The following CX3CR1 variants were observed in gnomAD, a reference collection of about 807,000 sequenced individuals.
The protein encoded by CX3CR1 is CX3C chemokine receptor 1.
For synonymous variants in CX3CR1, 168 were observed against 178.5 expected, an observed-to-expected ratio of 0.94 and a Z score of 0.47; for missense variants, 363 against 432.4, an observed-to-expected ratio of 0.84 and a Z score of 1.42.
chr3:39,275,007 G>A (rs565944541), intron 1 of CX3CR1, among the ~76,000 whole-genome samples: 60 of 151,902 alleles, frequency 3.9e-4, no homozygotes, highest in African/African-American at 1.3e-3. Flanking sequence ...GATTACAGGC[G>A]CCCACCACCA....
upstream of CX3CR1, chr3:39,286,541 C>G (rs1415530760): frequency 6.6e-6 from 1 of 150,590 alleles, no homozygotes; most frequent in African/African-American, 2.4e-5. Context: ...GTCCCAGCTA[C>G]TCGGGAGGCT....
chr3:39,268,120 C>T (rs769749911), intron 1 of CX3CR1, among the ~76,000 whole-genome samples: 12 of 152,216 alleles, frequency 7.9e-5, no homozygotes, highest in Non-Finnish European at 1.5e-4. Context: ...AAGATGAGGG[C>T]CCACCCAGCC....
chr3:39,273,211 G>A (rs927329006), intron 1 of CX3CR1, among the ~76,000 whole-genome samples: 11 of 152,242 alleles, frequency 7.2e-5, no homozygotes, highest in South Asian at 2.1e-4. Context: ...CTCTGAATTC[G>A]TTGGGGTTCT....
chr3:39,280,002 T>C lies in CX3CR1; in HGVS notation c.-58A>G, dbSNP rs1443549660. The C allele has an allele frequency of 1.6e-5, 16 of 985,572 alleles. No individual in the cohort carries two copies. The highest frequency in any genetic ancestry group is 1.7e-5 in the Non-Finnish European group (14 of 830,006). The allele number at this position is 985,572 out of a possible 1,614,324, so 61.1% of individuals were successfully genotyped here. ...CTCTGGATCTGCCAGTCAGCCACCC[T>C]GTCCTGCTCAGACTTTACCAGAGAC... On this transcript the variant is annotated 5_prime_UTR_variant, in exon 1 of 2. Transcript: ENST00000399220.
Position 39,279,959 on chromosome 3 carries a change from G to A in CX3CR1, c.-15C>T, listed in dbSNP as rs936657410. On this transcript the variant is annotated 5_prime_UTR_variant, in exon 1 of 2. It adds an upstream start codon to the 5' untranslated region. Transcript: ENST00000399220. ...AACTAGTCCTGTGCACCTACCTGGC[G>A]TGGACTGCCAAGGGAACCTCTGGAT... is the stretch of plus-strand genomic sequence containing the variant. The A allele has an allele frequency of 1.1e-5, 11 of 985,396 alleles. No individual in the cohort carries two copies. Among genetic ancestry groups the A allele is most frequent in the Non-Finnish European group, 1.3e-5 (11 of 829,896 alleles). 61.0% of individuals were successfully genotyped at this position (985,396 alleles called of 1,614,324 possible). A position where few individuals can be genotyped will look rare whatever the true frequency, so the allele number is the denominator to read the frequency against.
the CX3CR1 span, among the ~76,000 whole-genome samples, chr3:39,290,106 G>A: frequency 1.3e-5 from 2 of 152,150 alleles, no homozygotes; most frequent in Non-Finnish European, 2.9e-5. Context: ...AGCTTACTGC[G>A]GCAAGGGAAG....
At chr3:39,280,867 G>A (rs533458868), upstream of CX3CR1, among the ~76,000 whole-genome samples, 2 of 152,172 alleles carry the variant, frequency 1.3e-5, no homozygotes, top group African/African-American at 4.8e-5. Flanking sequence ...ATCACCTTCC[G>A]ATCACTTCAT....
In CX3CR1 at chr3:39,264,990, G is replaced by T. The variant is rs147817479; in HGVS notation, c.*452C>A. 2 of 154,424 alleles carry T rather than the reference G, an allele frequency of 1.3e-5. No individual in the cohort carries two copies. Among genetic ancestry groups the T allele is most frequent in the Admixed American group, 1.3e-4 (2 of 15,498 alleles). The allele number at this position is 154,424 out of a possible 1,614,324, so 9.6% of individuals were successfully genotyped here. ...GAAACATGGGTGTCAGTCCCTCTCTGGTGATAAAGCTGTGTCATGTAAAGT... is the reference window on the plus strand; with the variant it reads ...GAAACATGGGTGTCAGTCCCTCTCTTGTGATAAAGCTGTGTCATGTAAAGT... On this transcript the variant is annotated 3_prime_UTR_variant, in exon 2 of 2. Transcript: ENST00000399220.
In CX3CR1 at chr3:39,265,578, C is replaced by A; in HGVS notation, c.932G>T (p.Cys311Phe). Residue 311 changes from cysteine to phenylalanine, a missense_variant, in exon 2 of 2, where the codon TGC (cysteine) becomes TTC (phenylalanine). By Grantham distance (205) the Cys-to-Phe change is radical. Transcript: ENST00000399220. ...RRYLYHLYGK[C>F]LAVLCGRSVH... The stretch of plus-strand genomic sequence containing the variant: ...TGAGCGCCCACACAGGACAGCCAGG[C>A]ATTTCCCATACAGGTGGTAAAGGTA... 6.2e-7 allele frequency: 1 copy of A among 1,614,226 alleles called. No homozygotes were observed. The highest frequency in any genetic ancestry group is 8.5e-7 in the Non-Finnish European group (1 of 1,180,048).
rs80346905 is a variant in CX3CR1, at chr3:39,268,259, G to A, written c.-9-1741C>T. ...AGGCTGTGATGAGTTCTCAACCCCA[G>A]GGAACGTGTATGCTTTCTCTGCTTC... is the stretch of plus-strand genomic sequence containing the variant. On this transcript the variant is annotated intron_variant, in intron 1 of 1. Transcript: ENST00000399220. Among the ~76,000 whole-genome samples, 655 of 152,310 alleles carry A rather than the reference G, an allele frequency of 4.3e-3. 2 individuals are homozygous for A. The highest frequency in any genetic ancestry group is 0.015 in the African/African-American group (614 of 41,554).
At chr3:39,283,550 C>A (rs930984733), upstream of CX3CR1, among the ~76,000 whole-genome samples, 2 of 151,386 alleles carry the variant, frequency 1.3e-5, no homozygotes, top group Non-Finnish European at 1.5e-5. Context: ...GGGAGGCCAA[C>A]GTGGGTGGAT....
At chr3:39,281,357 C>T, upstream of CX3CR1, 2 of 819,056 alleles carry the variant, frequency 2.4e-6, no homozygotes, top group Non-Finnish European at 3.3e-6. Context: ...CTGGGGTCCA[C>T]TCAGCTGGGC....
At chr3:39,272,226 G>A (rs960461994) in intron 1 of CX3CR1, among the ~76,000 whole-genome samples, 1 of 152,178 alleles carries the variant, frequency 6.6e-6, no homozygotes, top group Non-Finnish European at 1.5e-5. Context: ...ACCTTCTCTG[G>A]GCCATCCTCA....
intron 1 of CX3CR1, among the ~76,000 whole-genome samples, chr3:39,270,959 G>A (rs1029179680): frequency 6.6e-6 from 1 of 152,200 alleles, no homozygotes; most frequent in African/African-American, 2.4e-5. Context: ...GCAAATAGAT[G>A]AATTCAGAGA....
intron 1 of CX3CR1, 35 bp downstream of exon 1, chr3:39,279,919 C>T (rs1271785186): frequency 1.0e-6 from 1 of 952,874 alleles, no homozygotes; most frequent in African/African-American, 1.8e-5. Context: ...TGCTCCACCC[C>T]ACCCACAGGT....
intron 1 of CX3CR1, among the ~76,000 whole-genome samples, chr3:39,268,692 C>T (rs977229868): frequency 1.3e-5 from 2 of 152,136 alleles, no homozygotes; most frequent in African/African-American, 2.4e-5. Flanking sequence ...TCTGTGGACT[C>T]GGGCACTCCC....
upstream of CX3CR1, chr3:39,281,534 C>T (rs112601133): frequency 3.4e-5 from 44 of 1,300,568 alleles, no homozygotes; most frequent in African/African-American, 4.5e-4. Context: ...ACATCTCTAC[C>T]TCCATCCAGG....
upstream of CX3CR1, chr3:39,286,154 T>C (rs1416488766): frequency 1.3e-5 from 2 of 152,260 alleles, no homozygotes; most frequent in Non-Finnish European, 1.5e-5. Flanking sequence ...CCTAAACTAT[T>C]GCTTTCAGGA....
chr3:39,281,129 G>C (rs753888607), upstream of CX3CR1: 41 of 998,970 alleles, frequency 4.1e-5, no homozygotes, highest in Non-Finnish European at 4.8e-5. Context: ...CCCCAGGACA[G>C]AGCTGGGGGC....
Sources: allele counts gnomAD v4.1 joint callset (sites outside exome capture counted in the v4.1 genomes callset), GRCh38; gene constraint gnomAD v4.1.1; transcripts MANE v1.5; gene names NCBI Gene and HGNC (gene_info 2026-07-23, HGNC 2026-07-21).